ZNF813: variants seen among roughly 807,000 people sequenced by gnomAD.
ZNF813 encodes zinc finger protein 813.
In ZNF813, 3 loss-of-function variants were observed where a neutral mutation model predicts 7.2. The ratio of observed to expected loss-of-function variants is 0.42; its 90% confidence interval spans 0.19 to 1.08. ZNF813 has a LOEUF of 1.08. Among genes scored for constraint, ZNF813 ranks in the 50% least tolerant of loss-of-function variants. The pLI, the probability that ZNF813 is intolerant of heterozygous loss-of-function variation, is 0.30. For missense variants in ZNF813, 714 were observed against 753.3 expected, an observed-to-expected ratio of 0.95 and a Z score of 0.61; for synonymous variants, 227 against 256.3, an observed-to-expected ratio of 0.89 and a Z score of 1.09.
Position 53,486,733 on chromosome 19 carries a change from G to A in ZNF813, c.117G>A (p.Glu39=). 1 of 1,614,024 alleles carries A rather than the reference G, an allele frequency of 6.2e-7. No homozygotes were observed. Among genetic ancestry groups the A allele is most frequent in the Non-Finnish European group, 8.5e-7 (1 of 1,179,932 alleles). The change falls in exon 3 of 4, where the codon GAG becomes GAA. Residue 39 remains glutamate (E), a synonymous_variant. Transcript: ENST00000396403. ...CTCTATACAGGGACGTGATGCTGGA[G>A]AATTATAGGAACCTGGTCTCCCTGG... The part of the protein sequence containing the change: ...QRTLYRDVML[E]NYRNLVSLDI...
At chr19:53,482,717 T>G (rs1382317974) in intron 1 of ZNF813, among the ~76,000 whole-genome samples, 3 of 127,872 alleles carry the variant, frequency 2.3e-5, no homozygotes, top group South Asian at 2.7e-4. Flanking sequence ...TTTTTGTTTT[T>G]TTTTTTTTTT....
At chr19:53,473,011 G>A (rs562736771) in intron 1 of ZNF813, among the ~76,000 whole-genome samples, 1 of 152,250 alleles carries the variant, frequency 6.6e-6, no homozygotes, top group African/African-American at 2.4e-5. Context: ...TAGGTAGTAT[G>A]TGTACAGTGG....
At position 53,494,357 on chromosome 19, in the gene ZNF813, T is replaced by G. The variant is rs2708836; in HGVS notation, c.*2271T>G. On this transcript the variant is annotated 3_prime_UTR_variant, in exon 4 of 4. Coordinates refer to ENST00000396403, the MANE Select transcript of ZNF813 (RefSeq NM_001004301.4). Reference sequence around the variant, plus strand: ...TAAGACATGAGTTTTAAAAGAGACTTTCTCTGCCGGGCGCAGTGGCTCATG... The same window carrying G: ...TAAGACATGAGTTTTAAAAGAGACTGTCTCTGCCGGGCGCAGTGGCTCATG... 4 of 152,250 alleles carry G rather than the reference T, an allele frequency of 2.6e-5. No individual in the cohort carries two copies. Among genetic ancestry groups the G allele is most frequent in the African/African-American group, 9.6e-5 (4 of 41,456 alleles). The allele number at this position is 152,250 out of a possible 1,614,324, so 9.4% of individuals were successfully genotyped here. A position where few individuals can be genotyped will look rare whatever the true frequency, so the allele number is the denominator to read the frequency against.
At position 53,478,536 on chromosome 19, in the gene ZNF813, G is replaced by A. The variant is rs1164774043; in HGVS notation, c.-73-5214G>A. 4.6e-5 allele frequency among the ~76,000 whole-genome samples: 7 copies of A among 152,110 alleles called. No homozygotes were observed. The East Asian group carries it at 1.3e-3, about 29-fold the overall frequency. ...CTCCTGCCAGTAAGCCCAGCACTTTGGGAGATGGAGGTGAGTGGGTCACCT... is the reference window on the plus strand; with the variant it reads ...CTCCTGCCAGTAAGCCCAGCACTTTAGGAGATGGAGGTGAGTGGGTCACCT... On this transcript the variant is annotated intron_variant, in intron 1 of 3. Coordinates refer to ENST00000396403, the MANE Select transcript of ZNF813 (RefSeq NM_001004301.4).
chr19:53,486,084 TC>T (rs2086432474), intron 2 of ZNF813, among the ~76,000 whole-genome samples: 1 of 152,216 alleles, frequency 6.6e-6, no homozygotes, highest in African/African-American at 2.4e-5. Context: ...TTCTGATCTT[TC>T]ACTGTGGACG....
At chr19:53,481,125 G>C (rs562590887) in intron 1 of ZNF813, among the ~76,000 whole-genome samples, 116 of 152,204 alleles carry the variant, frequency 7.6e-4, no homozygotes, top group Non-Finnish European at 1.3e-3. Context: ...TGGGGAACTT[G>C]AGATCATGTT....
rs1177950896 is a variant in ZNF813, at chr19:53,495,034, AT to A, written c.*2949del. 1.3e-5 allele frequency: 2 copies of A among 148,158 alleles called. No individual in the cohort carries two copies. The highest frequency in any genetic ancestry group is 5.0e-5 in the African/African-American group (2 of 39,630). 9.2% of individuals were successfully genotyped at this position (148,158 alleles called of 1,614,324 possible). ...GCGAGATACTGGCTCAAAAAAAAAA[AT>A]ACTTCTTGTAAAGTTTGGGTAGAGG... On this transcript the variant is annotated 3_prime_UTR_variant, in exon 4 of 4. Coordinates refer to ENST00000396403, the MANE Select transcript of ZNF813 (RefSeq NM_001004301.4).
rs1382497788 is a variant in ZNF813, at chr19:53,496,238, A to G, written c.*4152A>G. ...TGTGAGACTTTTCATTTCAAAATAA[A>G]AAAGGCAAATGATGTAATTGCATAG... On this transcript the variant is annotated 3_prime_UTR_variant, in exon 4 of 4. Coordinates refer to ENST00000396403, the MANE Select transcript of ZNF813 (RefSeq NM_001004301.4). The G allele has an allele frequency of 6.5e-6, 1 of 153,408 alleles. No individual in the cohort carries two copies. The highest frequency in any genetic ancestry group is 1.5e-5 in the Non-Finnish European group (1 of 68,872). The allele number at this position is 153,408 out of a possible 1,614,324, so 9.5% of individuals were successfully genotyped here.
At chr19:53,477,169 C>T (rs1053777695) in intron 1 of ZNF813, among the ~76,000 whole-genome samples, 3 of 152,106 alleles carry the variant, frequency 2.0e-5, no homozygotes, top group African/African-American at 4.8e-5. Flanking sequence ...GGATAGTTAC[C>T]GTGGCCTGGT....
At chr19:53,480,730 A>T (rs1934569662) in intron 1 of ZNF813, among the ~76,000 whole-genome samples, 1 of 152,208 alleles carries the variant, frequency 6.6e-6, no homozygotes, top group Non-Finnish European at 1.5e-5. Context: ...ATCTGTGGAC[A>T]TCTTGAGCTG....
rs1463136207 is a variant in ZNF813, at chr19:53,479,301, G to T, written c.-73-4449G>T. The stretch of plus-strand genomic sequence containing the variant: ...ATCATGGAGAGGAGGCTGCAATGCC[G>T]AATGGAGGAGGCAGGAACCGGAGTG... On this transcript the variant is annotated intron_variant, in intron 1 of 3. Transcript: ENST00000396403. The T allele has an allele frequency of 4.5e-6, 7 of 1,562,066 alleles. No individual in the cohort carries two copies. In the South Asian group the frequency reaches 4.5e-5, roughly 10 times the overall value.
intron 1 of ZNF813, among the ~76,000 whole-genome samples, chr19:53,479,000 T>C (rs1413506201): frequency 2.0e-5 from 3 of 151,886 alleles, no homozygotes; most frequent in African/African-American, 7.3e-5. Flanking sequence ...AGTGGCATGA[T>C]GTCAGTTCAC....
At chr19:53,475,949 C>T (rs1413581342) in intron 1 of ZNF813, among the ~76,000 whole-genome samples, 2 of 152,154 alleles carry the variant, frequency 1.3e-5, no homozygotes, top group African/African-American at 4.8e-5. Flanking sequence ...CTTTTCTCCT[C>T]TTTTTGTGGC....
intron 1 of ZNF813, among the ~76,000 whole-genome samples, chr19:53,469,125 C>G (rs1013967330): frequency 6.6e-5 from 10 of 152,176 alleles, no homozygotes; most frequent in Non-Finnish European, 1.2e-4. Flanking sequence ...ACAAGGCACA[C>G]CCTGCACAGC....
intron 2 of ZNF813, among the ~76,000 whole-genome samples, chr19:53,485,611 G>T (rs1227484165): frequency 2.7e-5 from 2 of 74,054 alleles, no homozygotes; most frequent in African/African-American, 4.4e-5. Flanking sequence ...TATATATCGT[G>T]ATATATACAT....
chr19:53,479,634 C>A, intron 1 of ZNF813: 1 of 1,225,058 alleles, frequency 8.2e-7, no homozygotes, highest in South Asian at 1.2e-5. Flanking sequence ...TTATTGAAAT[C>A]TGGGCCTTAA....
chr19:53,485,802 G>T (rs2086431080), intron 2 of ZNF813, among the ~76,000 whole-genome samples: 1 of 152,094 alleles, frequency 6.6e-6, no homozygotes, highest in South Asian at 2.1e-4. Flanking sequence ...TCCACCCTCA[G>T]GCTCAAACCA....
At chr19:53,473,881 C>T (rs1417171118) in intron 1 of ZNF813, among the ~76,000 whole-genome samples, 1 of 152,202 alleles carries the variant, frequency 6.6e-6, no homozygotes, top group Non-Finnish European at 1.5e-5. Context: ...GCACCTGACT[C>T]AGAGGACAAC....
chr19:53,479,572 A>C, intron 1 of ZNF813: 1 of 1,169,050 alleles, frequency 8.6e-7, no homozygotes, highest in East Asian at 2.4e-5. Flanking sequence ...TGCCCTGCAA[A>C]AGCTGGAAGA....
Sources: allele counts gnomAD v4.1 joint callset (sites outside exome capture counted in the v4.1 genomes callset), GRCh38; gene constraint gnomAD v4.1.1; transcripts MANE v1.5; gene names NCBI Gene and HGNC (gene_info 2026-07-23, HGNC 2026-07-21).